The following PCDHA13 variants were observed in gnomAD, a reference collection of about 807,000 sequenced individuals.
PCDHA13 encodes protocadherin alpha-13.
In PCDHA13, 54 loss-of-function variants were observed where a neutral mutation model predicts 64.8. The observed-to-expected ratio is 0.83, with a 90% CI of 0.67 to 1.04. The LOEUF is 1.04. Among genes scored for constraint, PCDHA13 ranks in the 50% least tolerant of loss-of-function variants. PCDHA13 has a pLI of 0.00. For missense variants in PCDHA13, 1,248 were observed against 1,254.3 expected (o/e 0.99, Z 0.08); for synonymous variants, 587 against 564.4 (o/e 1.04, Z -0.57).
At chr5:140,970,773 T>G (rs1385909769) in intron 1 of PCDHA13, among the ~76,000 whole-genome samples, 1 of 152,240 alleles carries the variant, frequency 6.6e-6, no homozygotes, top group Non-Finnish European at 1.5e-5. Context: ...TTGCTGTACA[T>G]ACATATTGTA....
At chr5:140,919,498 C>A (rs1433099544) in intron 1 of PCDHA13, among the ~76,000 whole-genome samples, 1 of 152,022 alleles carries the variant, frequency 6.6e-6, no homozygotes, top group Non-Finnish European at 1.5e-5. Context: ...TTATTTTACT[C>A]CTTTTTCTAT....
At position 140,998,856 on chromosome 5, in the gene PCDHA13, C is replaced by T. The variant is rs77103467; in HGVS notation, c.2543-10771C>T. 2.6e-3 allele frequency among the ~76,000 whole-genome samples: 397 copies of T among 152,354 alleles called. 2 individuals carry two copies. Among genetic ancestry groups the T allele is most frequent in the African/African-American group, 9.1e-3 (380 of 41,584 alleles). ...TGGATTACTGGTGTGAGCCACATGC[C>T]TGGCCTTGTAAATAATAAGTTTAGT... On this transcript the variant is annotated intron_variant, in intron 3 of 3. Coordinates refer to ENST00000289272, the MANE Select transcript of PCDHA13 (RefSeq NM_018904.3).
chr5:140,927,191 T>G, intron 1 of PCDHA13: 1 of 1,614,144 alleles, frequency 6.2e-7, no homozygotes. Flanking sequence ...TACGACCTGG[T>G]GCTCGAGGAC....
intron 1 of PCDHA13, among the ~76,000 whole-genome samples, chr5:140,907,345 G>A (rs568376480): frequency 3.3e-5 from 5 of 152,296 alleles, no homozygotes; most frequent in East Asian, 1.9e-4. Flanking sequence ...GCATGAGCCC[G>A]CTGCTGCACT....
intron 1 of PCDHA13, among the ~76,000 whole-genome samples, chr5:140,950,405 T>G (rs1258791881): frequency 3.3e-5 from 5 of 152,042 alleles, no homozygotes; most frequent in African/African-American, 1.2e-4. Flanking sequence ...TCTGGGGGAT[T>G]GACAGATTTT....
At chr5:140,893,768 CT>C (rs1171880038) in intron 1 of PCDHA13, among the ~76,000 whole-genome samples, 1 of 152,132 alleles carries the variant, frequency 6.6e-6, no homozygotes, top group Non-Finnish European at 1.5e-5. Flanking sequence ...TGACTTGTCA[CT>C]TTTCTTTTAC....
chr5:140,882,212 G>A lies in PCDHA13; in HGVS notation c.-57G>A. On this transcript the variant is annotated 5_prime_UTR_variant, in exon 1 of 4. Transcript: ENST00000289272. ...CATAAAAATTGGGCCTTGAGAGACA[G>A]TTTGAGGTAAGGCGTTGTATATATT... is the stretch of plus-strand genomic sequence containing the variant. 6.5e-7 allele frequency: 1 copy of A among 1,539,436 alleles called. No homozygotes were observed.
chr5:140,955,440 G>A (rs1332391978), intron 1 of PCDHA13, among the ~76,000 whole-genome samples: 3 of 152,022 alleles, frequency 2.0e-5, no homozygotes, highest in Admixed American at 2.0e-4. Context: ...TAGGTCTGAT[G>A]GTTTTATAAG....
intron 1 of PCDHA13, among the ~76,000 whole-genome samples, chr5:140,948,738 A>T (rs1347138284): frequency 6.6e-6 from 1 of 151,488 alleles, no homozygotes; most frequent in African/African-American, 2.4e-5. Flanking sequence ...CTAGCTGAGA[A>T]TTTATCAATT....
At chr5:141,009,167 G>A (rs2098401919) in intron 3 of PCDHA13, among the ~76,000 whole-genome samples, 1 of 152,180 alleles carries the variant, frequency 6.6e-6, no homozygotes, top group African/African-American at 2.4e-5. Flanking sequence ...TGTAAATACT[G>A]GCCTTGGCTG....
chr5:140,971,999 A>G (rs543282950), intron 1 of PCDHA13, among the ~76,000 whole-genome samples: 18 of 152,302 alleles, frequency 1.2e-4, no homozygotes, highest in African/African-American at 3.8e-4. Flanking sequence ...TCCAATGTTT[A>G]TATTCCCTTT....
chr5:140,883,453 C>A lies in PCDHA13; in HGVS notation c.1185C>A (p.Phe395Leu), dbSNP rs138388360. The part of the protein sequence containing the change: ...VTCTLTPHVP[F>L]KLVSTYKNYY... The stretch of plus-strand genomic sequence containing the variant: ...GCACCTTGACGCCGCATGTCCCCTT[C>A]AAGCTGGTGTCCACCTACAAGAACT... Residue 395 changes from phenylalanine (F) to leucine (L), a missense_variant, in exon 1 of 4, where the codon TTC (phenylalanine) becomes TTA (leucine). Physicochemically the swap from Phe to Leu is conservative, Grantham distance 22. Transcript: ENST00000289272. 3.2e-5 allele frequency: 51 copies of A among 1,614,168 alleles called. No individual in the cohort carries two copies. In the East Asian group the frequency reaches 1.1e-3, roughly 35 times the overall value.
At chr5:140,908,706 T>C (rs2074108716) in intron 1 of PCDHA13, among the ~76,000 whole-genome samples, 1 of 152,132 alleles carries the variant, frequency 6.6e-6, no homozygotes, top group South Asian at 2.1e-4. Context: ...TCAAGCACCA[T>C]TGGATCTGCT....
chr5:141,009,746 T>C lies in PCDHA13; in HGVS notation c.2662T>C (p.Phe888Leu). ...CGGTCCCGGTGAGTTGCCCGACAAA[T>C]TCATTATCCCAGGATCTCCTGCAAT... ...QSGPGELPDK[F>L]IIPGSPAIIS... The change falls in exon 4 of 4, where the codon TTC becomes CTC. Residue 888 changes from phenylalanine to leucine, a missense_variant. Transcript: ENST00000289272. 6.2e-7 allele frequency: 1 copy of C among 1,614,062 alleles called. No homozygotes were observed. Among genetic ancestry groups the C allele is most frequent in the Non-Finnish European group, 8.5e-7 (1 of 1,180,018 alleles).
At chr5:140,969,109 T>C (rs782731369) in intron 1 of PCDHA13, 10 of 1,614,126 alleles carry the variant, frequency 6.2e-6, no homozygotes, top group Non-Finnish European at 8.5e-6. Flanking sequence ...TCATTGAAGT[T>C]CGAGGGAATG....
At chr5:140,942,588 ATATAAT>A (rs1164852863) in intron 1 of PCDHA13, among the ~76,000 whole-genome samples, 1 of 149,588 alleles carries the variant, frequency 6.7e-6, no homozygotes, top group Non-Finnish European at 1.5e-5. Flanking sequence ...AGGATGTCAC[ATATAAT>A]TATAGTGTTT....
chr5:140,938,926 T>C (rs149516801), intron 1 of PCDHA13, among the ~76,000 whole-genome samples: 9 of 152,172 alleles, frequency 5.9e-5, no homozygotes, highest in Non-Finnish European at 1.2e-4. Context: ...AGAAATTGGC[T>C]TTTAACTTTC....
At position 140,915,626 on chromosome 5, in the gene PCDHA13, G is replaced by GTCTCTCTCTC. The variant is rs57920489; in HGVS notation, c.2394+30985_2394+30994dup. 2.5e-3 allele frequency among the ~76,000 whole-genome samples: 366 copies of GTCTCTCTCTC among 146,512 alleles called. 2 individuals carry two copies. Among genetic ancestry groups the GTCTCTCTCTC allele is most frequent in the South Asian group, 3.6e-3 (16 of 4,500 alleles). ...ACTTTCTGTCAAACAGTCTCTTTCT[G>GTCTCTCTCTC]TCTCTCTCTCTCTCTCTCTCTCTCT... On this transcript the variant is annotated intron_variant, in intron 1 of 3. Coordinates refer to ENST00000289272, the MANE Select transcript of PCDHA13 (RefSeq NM_018904.3).
intron 1 of PCDHA13, among the ~76,000 whole-genome samples, chr5:140,941,214 C>CTTTCTTT (rs1554214039): frequency 0.058 from 7,135 of 122,220 alleles, 362 homozygotes; most frequent in South Asian, 0.079. Context: ...TTTCTTTCTT[C>CTTTCTTT]CTTTCTTTCT....
Sources: gnomAD v4.1 joint callset for allele counts (sites outside exome capture counted in the v4.1 genomes callset) on GRCh38, gnomAD v4.1.1 for gene constraint, MANE v1.5 for transcripts, NCBI Gene and HGNC (gene_info 2026-07-23, HGNC 2026-07-21) for gene names.